The following HSDL2 variants were observed in gnomAD, a reference collection of about 807,000 sequenced individuals.
The protein encoded by HSDL2 is hydroxysteroid dehydrogenase-like protein 2.
A neutral mutation model predicts 46.3 loss-of-function variants in HSDL2; 27 were observed. The observed-to-expected ratio is 0.58, with a 90% CI of 0.43 to 0.80. The LOEUF is 0.80. Ranked by LOEUF, HSDL2 falls within the 30% of genes least tolerant of loss-of-function variation. The probability of loss-of-function intolerance (pLI) is 0.00; values close to 1 mark genes in which losing one functional copy is unlikely to be tolerated. For missense variants in HSDL2, 451 were observed against 502.7 expected, an observed-to-expected ratio of 0.90 and a Z score of 0.98; for synonymous variants, 153 against 163.6, an observed-to-expected ratio of 0.94 and a Z score of 0.50.
intron 9 of HSDL2, among the ~76,000 whole-genome samples, chr9:112,454,403 C>T (rs1487466418): frequency 6.6e-6 from 1 of 152,186 alleles, no homozygotes; most frequent in South Asian, 2.1e-4. Flanking sequence ...TCATGGCTCA[C>T]TTCGGCCTTG....
intron 1 of HSDL2, among the ~76,000 whole-genome samples, chr9:112,394,498 G>A (rs1321298442): frequency 6.6e-6 from 1 of 152,160 alleles, no homozygotes; most frequent in East Asian, 1.9e-4. Context: ...ACTAAACCAT[G>A]TGAGTCATTT....
rs1833236624 is a variant in HSDL2, at chr9:112,462,398, G to A, written c.1144+2821G>A. Among the ~76,000 whole-genome samples the A allele has an allele frequency of 2.6e-5, 4 of 151,134 alleles. No individual in the cohort carries two copies. In the South Asian group the frequency reaches 8.4e-4, roughly 32 times the overall value. On this transcript the variant is annotated intron_variant, in intron 10 of 10. Coordinates refer to ENST00000398805, the MANE Select transcript of HSDL2 (RefSeq NM_032303.5). Reference sequence around the variant, plus strand: ...AGAATCGCCTGAACCTTGAAGCGGAGGTTGCAGTGAGCTGAGATCGAGCCA... The same window carrying A: ...AGAATCGCCTGAACCTTGAAGCGGAAGTTGCAGTGAGCTGAGATCGAGCCA...
chr9:112,426,544 G>C (rs1250662183), intron 6 of HSDL2, among the ~76,000 whole-genome samples: 2 of 152,058 alleles, frequency 1.3e-5, no homozygotes, highest in African/African-American at 4.8e-5. Context: ...CCCTGGCAAG[G>C]TTTCTATGCA....
chr9:112,404,213 G>A, intron 2 of HSDL2, 55 bp downstream of exon 2: 1 of 1,537,582 alleles, frequency 6.5e-7, no homozygotes, highest in Non-Finnish European at 8.9e-7. Flanking sequence ...TCAATACATA[G>A]AGAATTTGCT....
chr9:112,396,058 C>G (rs564539042), intron 1 of HSDL2, among the ~76,000 whole-genome samples: 5 of 152,120 alleles, frequency 3.3e-5, no homozygotes, highest in African/African-American at 9.7e-5. Context: ...GGACTGAGAC[C>G]GAGTCCTGGA....
At chr9:112,391,680 T>C (rs952637582) in intron 1 of HSDL2, among the ~76,000 whole-genome samples, 1 of 151,672 alleles carries the variant, frequency 6.6e-6, no homozygotes, top group Non-Finnish European at 1.5e-5. Context: ...CGGAGGCAGG[T>C]GGATCACCTG....
At chr9:112,440,735 A>G (rs12340838) in intron 7 of HSDL2, among the ~76,000 whole-genome samples, 106,219 of 152,080 alleles carry the variant, frequency 0.7, 37,191 homozygotes, top group South Asian at 0.71. Flanking sequence ...GTGTTCAGGC[A>G]CGGTGGCTCA....
chr9:112,431,630 C>T (rs1309092777), intron 6 of HSDL2, among the ~76,000 whole-genome samples: 2 of 152,126 alleles, frequency 1.3e-5, no homozygotes, highest in African/African-American at 2.4e-5. Flanking sequence ...CTCCTTGGTA[C>T]TGCCCTCACC....
At chr9:112,397,115 C>T (rs1831474693) in intron 1 of HSDL2, among the ~76,000 whole-genome samples, 1 of 152,164 alleles carries the variant, frequency 6.6e-6, no homozygotes, top group Non-Finnish European at 1.5e-5. Context: ...GCTGGCTTGG[C>T]TGCTTTTAAG....
At chr9:112,466,527 T>C (rs1833388324) in intron 10 of HSDL2, among the ~76,000 whole-genome samples, 1 of 143,358 alleles carries the variant, frequency 7.0e-6, no homozygotes, top group African/African-American at 2.6e-5. Flanking sequence ...CACTCTAGCC[T>C]GGGTGACACA....
intron 1 of HSDL2, among the ~76,000 whole-genome samples, chr9:112,384,376 A>G (rs1427376737): frequency 1.3e-5 from 2 of 152,192 alleles, no homozygotes; most frequent in African/African-American, 4.8e-5. Flanking sequence ...GGCACAGATC[A>G]GGGTTATGTT....
chr9:112,400,004 T>G (rs1039657655), intron 1 of HSDL2, among the ~76,000 whole-genome samples: 5 of 152,214 alleles, frequency 3.3e-5, no homozygotes, highest in East Asian at 3.8e-4. Flanking sequence ...TATAAAAGTA[T>G]TATTTGGGAA....
chr9:112,409,252 C>G (rs1278170455), intron 4 of HSDL2, among the ~76,000 whole-genome samples: 3 of 152,136 alleles, frequency 2.0e-5, no homozygotes, highest in Admixed American at 2.0e-4. Flanking sequence ...TGCAGTGGCA[C>G]GATCTCAGCT....
intron 6 of HSDL2, among the ~76,000 whole-genome samples, chr9:112,435,551 C>A (rs368429578): frequency 1.2e-4 from 18 of 152,034 alleles, no homozygotes; most frequent in African/African-American, 4.4e-4. Context: ...GGGCAAGTTA[C>A]TTAACTTCTC....
At chr9:112,413,705 C>T (rs1229402800) in intron 4 of HSDL2, among the ~76,000 whole-genome samples, 1 of 151,906 alleles carries the variant, frequency 6.6e-6, no homozygotes, top group Non-Finnish European at 1.5e-5. Flanking sequence ...TTTCTTATTC[C>T]CAGCTGTTTG....
chr9:112,398,368 G>A (rs890397754), intron 1 of HSDL2, among the ~76,000 whole-genome samples: 1 of 152,006 alleles, frequency 6.6e-6, no homozygotes, highest in African/African-American at 2.4e-5. Context: ...GGAAGCAAAG[G>A]CTGCAAAGGT....
At position 112,395,401 on chromosome 9, in the gene HSDL2, C is replaced by T. The variant is rs150804580; in HGVS notation, c.18-8594C>T. Among the ~76,000 whole-genome samples the T allele has an allele frequency of 1.9e-3, 294 of 152,264 alleles. 4 individuals are homozygous for T. The highest frequency in any genetic ancestry group is 6.9e-3 in the African/African-American group (286 of 41,534). The stretch of plus-strand genomic sequence containing the variant: ...ATCTCCTGGTGAAACGCAAGCATAC[C>T]CTCTTCCCCACGTTATAATTGTTCC... On this transcript the variant is annotated intron_variant, in intron 1 of 10. Coordinates refer to ENST00000398805, the MANE Select transcript of HSDL2 (RefSeq NM_032303.5).
chr9:112,398,243 A>C (rs1290047564), intron 1 of HSDL2, among the ~76,000 whole-genome samples: 1 of 152,088 alleles, frequency 6.6e-6, no homozygotes, highest in Non-Finnish European at 1.5e-5. Flanking sequence ...TGGATGGCAA[A>C]GTGACCAAAT....
intron 1 of HSDL2, among the ~76,000 whole-genome samples, chr9:112,399,710 C>T (rs932287252): frequency 6.6e-6 from 1 of 152,194 alleles, no homozygotes; most frequent in African/African-American, 2.4e-5. Context: ...ATCTCGCCTA[C>T]TTGGACATCC....
Sources: gnomAD v4.1 joint callset for allele counts (sites outside exome capture counted in the v4.1 genomes callset) on GRCh38, gnomAD v4.1.1 for gene constraint, MANE v1.5 for transcripts, NCBI Gene and HGNC (gene_info 2026-07-23, HGNC 2026-07-21) for gene names.